Variants in ZNG1E observed in about 807,000 individuals in gnomAD.
ZNG1E encodes the protein zinc-regulated GTPase metalloprotein activator 1E.
the ZNG1E span, among the ~76,000 whole-genome samples, chr9:65,683,811 T>C: frequency 1.3e-5 from 2 of 152,284 alleles, no homozygotes; most frequent in Non-Finnish European, 2.9e-5. Flanking sequence ...TTGGTCCTTA[T>C]AGTAAGCATG....
At chr9:65,663,136 ATATTG>A in the ZNG1E span, among the ~76,000 whole-genome samples, 4 of 152,384 alleles carry the variant, frequency 2.6e-5, no homozygotes, top group African/African-American at 4.8e-5. Flanking sequence ...CTGTTATATT[ATATTG>A]CTTTTCTCTC....
chr9:65,721,541 A>G, the ZNG1E span, among the ~76,000 whole-genome samples: 5,377 of 111,144 alleles, frequency 0.048, 14 homozygotes, highest in African/African-American at 0.14. Context: ...TTTAAATGGC[A>G]TCAACATTTA....
chr9:65,703,831 C>T, the ZNG1E span: 1 of 968,744 alleles, frequency 1.0e-6, no homozygotes, highest in Admixed American at 7.0e-5. Flanking sequence ...GCAGCAGCTG[C>T]TTATATGCAT....
At chr9:65,732,760 A>G in the ZNG1E span, 4 of 1,399,850 alleles carry the variant, frequency 2.9e-6, no homozygotes, top group East Asian at 7.8e-5. Context: ...TTATCATTAG[A>G]AAAGGGGATT....
the ZNG1E span, among the ~76,000 whole-genome samples, chr9:65,687,376 A>T: frequency 6.9e-6 from 1 of 144,598 alleles, no homozygotes; most frequent in African/African-American, 2.5e-5. Context: ...TTTTCAAGTT[A>T]CAGGTACTGC....
chr9:65,659,146 C>G, the ZNG1E span, among the ~76,000 whole-genome samples: 1 of 152,200 alleles, frequency 6.6e-6, no homozygotes, highest in South Asian at 2.1e-4. Flanking sequence ...ACTGGTTTCT[C>G]ACCAGCAATT....
chr9:65,678,381 G>T, the ZNG1E span, among the ~76,000 whole-genome samples: 1 of 141,976 alleles, frequency 7.0e-6, no homozygotes, highest in African/African-American at 2.7e-5. Context: ...TGACCTAAAA[G>T]ATATTAATAC....
the ZNG1E span, among the ~76,000 whole-genome samples, chr9:65,691,657 CT>C: frequency 2.6e-5 from 4 of 152,244 alleles, no homozygotes; most frequent in Admixed American, 2.6e-4. Flanking sequence ...ATGTTAGAGC[CT>C]TTTATTTTTA....
chr9:65,657,565 G>A, the ZNG1E span, among the ~76,000 whole-genome samples: 1 of 152,222 alleles, frequency 6.6e-6, no homozygotes. Flanking sequence ...GGTTACCAGA[G>A]GCTGGAAGGG....
the ZNG1E span, chr9:65,703,568 G>T: frequency 1.0e-6 from 1 of 962,362 alleles, no homozygotes; most frequent in Non-Finnish European, 1.2e-6. Flanking sequence ...TCTGTGCAGG[G>T]ATATTTTATT....
chr9:65,733,124 TAA>T, the ZNG1E span: 1 of 1,611,922 alleles, frequency 6.2e-7, no homozygotes, highest in African/African-American at 1.3e-5. Context: ...TCCTCATTGG[TAA>T]GTCTCAAAGG....
At chr9:65,662,959 T>C in the ZNG1E span, among the ~76,000 whole-genome samples, 2 of 152,230 alleles carry the variant, frequency 1.3e-5, no homozygotes, top group Non-Finnish European at 2.9e-5. Flanking sequence ...GCTTTTAGAA[T>C]TCAAAGTCTG....
the ZNG1E span, among the ~76,000 whole-genome samples, chr9:65,680,853 G>A: frequency 6.6e-6 from 1 of 152,012 alleles, no homozygotes; most frequent in Non-Finnish European, 1.5e-5. Flanking sequence ...CAGTGGCACA[G>A]TCTCGGGTCA....
the ZNG1E span, among the ~76,000 whole-genome samples, chr9:65,715,105 C>T: frequency 6.7e-6 from 1 of 149,494 alleles, no homozygotes; most frequent in Admixed American, 6.7e-5. Flanking sequence ...TCCTGGTGCG[C>T]CGTTTTTCAA....
chr9:65,664,035 T>G, the ZNG1E span, among the ~76,000 whole-genome samples: 1 of 152,254 alleles, frequency 6.6e-6, no homozygotes, highest in South Asian at 2.1e-4. Context: ...CAAGCATGTT[T>G]TTGTTAATTT....
At chr9:65,662,620 T>C in the ZNG1E span, among the ~76,000 whole-genome samples, 148 of 151,712 alleles carry the variant, frequency 9.8e-4, no homozygotes, top group Middle Eastern at 6.8e-3. Flanking sequence ...AATGGATTAA[T>C]AACAAGAAAT....
chr9:65,662,154 T>C, the ZNG1E span, among the ~76,000 whole-genome samples: 2 of 152,242 alleles, frequency 1.3e-5, no homozygotes, highest in Non-Finnish European at 2.9e-5. Context: ...CAACTTGTAG[T>C]ATCCCTGCCA....
chr9:65,679,703 C>T, the ZNG1E span, among the ~76,000 whole-genome samples: 3 of 152,254 alleles, frequency 2.0e-5, no homozygotes, highest in Admixed American at 6.5e-5. Context: ...TACAGGCATG[C>T]GCCACCATGC....
the ZNG1E span, among the ~76,000 whole-genome samples, chr9:65,721,069 GC>G: frequency 2.0e-5 from 3 of 149,776 alleles, no homozygotes; most frequent in South Asian, 6.3e-4. Context: ...AGAACGTGAT[GC>G]CAAGAATCAT....
Sources: allele counts gnomAD v4.1 joint callset (sites outside exome capture counted in the v4.1 genomes callset), GRCh38; gene constraint gnomAD v4.1.1; transcripts MANE v1.5; gene names NCBI Gene and HGNC (gene_info 2026-07-23, HGNC 2026-07-21).